Variants in GABRB3 observed in about 807,000 individuals in gnomAD.
The protein encoded by GABRB3 is gamma-aminobutyric acid type A receptor subunit beta3, also known as gamma-aminobutyric acid receptor subunit beta-3.
A neutral mutation model predicts 52.1 loss-of-function variants in GABRB3; 14 were observed. The observed-to-expected ratio is 0.27, with a 90% confidence interval of 0.18 to 0.42. The LOEUF is 0.42. Ranked by LOEUF, GABRB3 falls within the 10% of genes least tolerant of loss-of-function variation. The pLI is 1.00. For synonymous variants in GABRB3, 260 were observed against 232.3 expected (o/e 1.12, Z -1.08); for missense variants, 307 against 609.1 (o/e 0.50, Z 5.22).
chr15:26,772,583 C>T (rs1891180707), intron 2 of GABRB3, 98 bp downstream of exon 2: 1 of 1,444,202 alleles, frequency 6.9e-7, no homozygotes, highest in Non-Finnish European at 9.4e-7. Context: ...CCACTCCCAC[C>T]CGCCGCTGCT....
chr15:26,761,989 C>A (rs113057653), intron 3 of GABRB3, among the ~76,000 whole-genome samples: 7 of 152,076 alleles, frequency 4.6e-5, no homozygotes, highest in Admixed American at 3.9e-4. Context: ...AGTGCAATCA[C>A]GCCCGGCTAA....
intron 3 of GABRB3, chr15:26,625,551 T>C (rs1247433492): frequency 1.2e-5 from 11 of 941,020 alleles, no homozygotes; most frequent in Admixed American, 1.2e-4. Context: ...AAACAGAAGA[T>C]ACTTTGAGAC....
intron 3 of GABRB3, among the ~76,000 whole-genome samples, chr15:26,652,784 CA>C (rs1477434832): frequency 6.6e-6 from 1 of 152,046 alleles, no homozygotes; most frequent in African/African-American, 2.4e-5. Context: ...TGTACTGCAA[CA>C]ATGAAAATGT....
intron 3 of GABRB3, among the ~76,000 whole-genome samples, chr15:26,691,363 C>T (rs1041076322): frequency 4.6e-5 from 7 of 152,064 alleles, no homozygotes; most frequent in African/African-American, 1.7e-4. Context: ...GAAGCCTGAA[C>T]AATAGAAAGT....
At chr15:26,734,524 A>T (rs1890016698) in intron 3 of GABRB3, among the ~76,000 whole-genome samples, 1 of 152,084 alleles carries the variant, frequency 6.6e-6, no homozygotes, top group Non-Finnish European at 1.5e-5. Context: ...TCATGCCTGC[A>T]ATCTCAGGAC....
intron 3 of GABRB3, 95 bp downstream of exon 3, chr15:26,772,307 G>A: frequency 8.9e-7 from 1 of 1,124,636 alleles, no homozygotes; most frequent in South Asian, 1.4e-5. Flanking sequence ...ACTCGGCCCC[G>A]GCCGAAGAGG....
At chr15:26,748,423 T>C (rs956374671) in intron 3 of GABRB3, among the ~76,000 whole-genome samples, 2 of 152,196 alleles carry the variant, frequency 1.3e-5, no homozygotes, top group African/African-American at 2.4e-5. Flanking sequence ...ATTCTCTACT[T>C]CATCTTGGGT....
At chr15:26,639,386 A>G (rs1400738522) in intron 3 of GABRB3, among the ~76,000 whole-genome samples, 1 of 151,878 alleles carries the variant, frequency 6.6e-6, no homozygotes, top group Non-Finnish European at 1.5e-5. Context: ...AAACAGGTAC[A>G]TTTTTTTCCT....
intron 3 of GABRB3, among the ~76,000 whole-genome samples, chr15:26,661,779 G>T (rs977784547): frequency 6.6e-6 from 1 of 152,132 alleles, no homozygotes; most frequent in Non-Finnish European, 1.5e-5. Flanking sequence ...TAAGCAGGGG[G>T]AAAGCAAGCC....
chr15:26,560,897 G>A, intron 8 of GABRB3, 35 bp downstream of exon 8: 1 of 1,612,796 alleles, frequency 6.2e-7, no homozygotes, highest in South Asian at 1.1e-5. Flanking sequence ...CTGAGCTGCA[G>A]GGACCAGGTG....
intron 3 of GABRB3, among the ~76,000 whole-genome samples, chr15:26,649,709 A>C (rs1887136454): frequency 7.8e-6 from 1 of 128,272 alleles, no homozygotes; most frequent in Admixed American, 7.7e-5. Context: ...ATTAGAGAGG[A>C]CAGGGAGAGA....
chr15:26,726,806 C>T (rs969588168), intron 3 of GABRB3, among the ~76,000 whole-genome samples: 6 of 152,094 alleles, frequency 3.9e-5, no homozygotes, highest in Non-Finnish European at 7.4e-5. Flanking sequence ...CTTTTCCTTT[C>T]GCAATTAAGA....
intron 3 of GABRB3, among the ~76,000 whole-genome samples, chr15:26,654,457 T>C (rs1467406758): frequency 1.3e-5 from 2 of 150,678 alleles, no homozygotes; most frequent in Admixed American, 6.6e-5. Flanking sequence ...ACAAAGGTGC[T>C]CTTAAAAATG....
intron 3 of GABRB3, among the ~76,000 whole-genome samples, chr15:26,709,191 T>C (rs1889203072): frequency 6.6e-6 from 1 of 152,182 alleles, no homozygotes; most frequent in Non-Finnish European, 1.5e-5. Flanking sequence ...CCACTCCAAA[T>C]CTTATGTTGA....
chr15:26,719,288 G>A (rs1014685132), intron 3 of GABRB3, among the ~76,000 whole-genome samples: 3 of 152,232 alleles, frequency 2.0e-5, no homozygotes, highest in Non-Finnish European at 4.4e-5. Context: ...AGCACGGACT[G>A]TTCCAGGACT....
intron 3 of GABRB3, among the ~76,000 whole-genome samples, chr15:26,758,471 AG>A (rs1193046066): frequency 6.6e-6 from 1 of 152,232 alleles, no homozygotes; most frequent in Non-Finnish European, 1.5e-5. Context: ...CAGACTCATG[AG>A]GTATCCAAAC....
intron 3 of GABRB3, among the ~76,000 whole-genome samples, chr15:26,743,016 G>A (rs1030901534): frequency 4.5e-4 from 58 of 128,648 alleles, no homozygotes; most frequent in Non-Finnish European, 7.9e-4. Flanking sequence ...TGCAACCTCC[G>A]CCTCCCGGGT....
At chr15:26,607,255 C>T (rs868845236) in intron 4 of GABRB3, among the ~76,000 whole-genome samples, 9 of 152,062 alleles carry the variant, frequency 5.9e-5, no homozygotes, top group Non-Finnish European at 8.8e-5. Context: ...ACATTTAATT[C>T]GGCTTAAGTT....
chr15:26,587,099 A>G (rs530114080), intron 4 of GABRB3, among the ~76,000 whole-genome samples: 10 of 152,324 alleles, frequency 6.6e-5, no homozygotes, highest in African/African-American at 2.4e-4. Context: ...AACTAGCTTG[A>G]TTTAATTATT....
Sources: allele counts gnomAD v4.1 joint callset (sites outside exome capture counted in the v4.1 genomes callset), GRCh38; gene constraint gnomAD v4.1.1; transcripts MANE v1.5; gene names NCBI Gene and HGNC (gene_info 2026-07-23, HGNC 2026-07-21).